The following FGD5 variants were observed in gnomAD, a reference collection of about 807,000 sequenced individuals.
FGD5 encodes the protein FYVE, RhoGEF and PH domain-containing protein 5.
Under a neutral mutation model 133.4 loss-of-function variants are expected in FGD5, and 28 were observed. That is an observed-to-expected ratio of 0.21 (90% CI 0.16 to 0.29). FGD5 has a LOEUF of 0.29. FGD5 is among the 10% of genes least tolerant of loss of function. The pLI is 1.00. For synonymous variants in FGD5, 810 were observed against 776.5 expected (o/e 1.04, Z -0.72); for missense variants, 1,858 against 1,895.2 (o/e 0.98, Z 0.36).
chr3:14,927,184 G>A (rs1254782957), intron 18 of FGD5, among the ~76,000 whole-genome samples: 1 of 152,232 alleles, frequency 6.6e-6, no homozygotes, highest in Non-Finnish European at 1.5e-5. Context: ...AGGCCTGAGC[G>A]GCTTGGGTAC....
At chr3:14,857,882 AAAT>A (rs2037314906) in intron 1 of FGD5, among the ~76,000 whole-genome samples, 1 of 152,172 alleles carries the variant, frequency 6.6e-6, no homozygotes, top group African/African-American at 2.4e-5. Flanking sequence ...TGAATCCTCT[AAAT>A]AATCTATACC....
intron 2 of FGD5, among the ~76,000 whole-genome samples, chr3:14,867,597 A>C (rs2125107185): frequency 6.7e-6 from 1 of 149,934 alleles, no homozygotes; most frequent in South Asian, 2.1e-4. Flanking sequence ...CTCCCTGGCC[A>C]CCCTTGGTGC....
chr3:14,841,367 A>G (rs1321874062), intron 1 of FGD5, among the ~76,000 whole-genome samples: 4 of 152,086 alleles, frequency 2.6e-5, no homozygotes, highest in African/African-American at 7.2e-5. Context: ...TTTCTGAGCC[A>G]CCTCTGTTCA....
intron 1 of FGD5, among the ~76,000 whole-genome samples, chr3:14,824,570 T>C (rs1249978064): frequency 6.6e-6 from 1 of 152,180 alleles, no homozygotes; most frequent in Non-Finnish European, 1.5e-5. Context: ...TCCCAACACT[T>C]GTTATGGGAC....
intron 1 of FGD5, among the ~76,000 whole-genome samples, chr3:14,846,879 G>A (rs962457860): frequency 1.2e-4 from 19 of 152,350 alleles, no homozygotes; most frequent in African/African-American, 4.3e-4. Flanking sequence ...GTGAAGTGCT[G>A]TGCAGATCTT....
chr3:14,917,194 G>A lies in FGD5; in HGVS notation c.3406-55G>A. 1 of 1,514,064 alleles carries A rather than the reference G, an allele frequency of 6.6e-7. No homozygotes were observed. Among genetic ancestry groups the A allele is most frequent in the Non-Finnish European group, 9.1e-7 (1 of 1,104,542 alleles). The allele number at this position is 1,514,064 out of a possible 1,614,324, so 93.8% of individuals were successfully genotyped here. A position where few individuals can be genotyped will look rare whatever the true frequency, so the allele number is the denominator to read the frequency against. On this transcript the variant is annotated intron_variant, in intron 11 of 19. Coordinates refer to ENST00000285046, the MANE Select transcript of FGD5 (RefSeq NM_152536.4). This position sits in a 1 kb window ranked among gnomAD's most constrained non-coding sequence, Gnocchi z 4.1. ...GCTCAGGGATCCTTTGAGGACAGAA[G>A]CCTGGCGCAGCCTTCTGGGGCCAGG...
In FGD5 at chr3:14,867,617, C is replaced by T. The variant is rs574749049; in HGVS notation, c.2658+3357C>T. 1.8e-4 allele frequency among the ~76,000 whole-genome samples: 27 copies of T among 152,078 alleles called. No individual in the cohort carries two copies. The East Asian group carries it at 2.1e-3, about 12-fold the overall frequency. ...TGGCCACCCTTGGTGCCCAGAGCTC[C>T]CCAACCACGGAACCACTGTGGAGAT... On this transcript the variant is annotated intron_variant, in intron 2 of 19. Transcript: ENST00000285046.
chr3:14,915,286 G>C (rs2038530560), intron 11 of FGD5, among the ~76,000 whole-genome samples: 1 of 152,222 alleles, frequency 6.6e-6, no homozygotes. Flanking sequence ...AGAGCTAGCT[G>C]TGGGAAAACT....
Position 14,917,269 on chromosome 3 carries a change from C to T in FGD5, c.3426C>T (p.Tyr1142=), listed in dbSNP as rs753736098. The T allele has an allele frequency of 1.2e-6, 2 of 1,613,692 alleles. No homozygotes were observed. The highest frequency in any genetic ancestry group is 1.7e-5 in the Admixed American group (1 of 59,982). ...HLFLMNDVLL[Y]TYPQKDGKYR... Reference sequence around the variant, plus strand: ...TCCAGATGAACGATGTGCTCCTGTACACCTATCCCCAGAAGGATGGGAAGT... The same window carrying T: ...TCCAGATGAACGATGTGCTCCTGTATACCTATCCCCAGAAGGATGGGAAGT... The change falls in exon 12 of 20, where the codon TAC becomes TAT. Residue 1142 remains tyrosine (Y), a synonymous_variant. Coordinates refer to ENST00000285046, the MANE Select transcript of FGD5 (RefSeq NM_152536.4). This position sits in a 1 kb window ranked among gnomAD's most constrained non-coding sequence, Gnocchi z 4.1.
intron 11 of FGD5, among the ~76,000 whole-genome samples, chr3:14,913,533 G>A (rs9822321): frequency 7.4e-4 from 113 of 152,288 alleles, no homozygotes; most frequent in African/African-American, 2.6e-3. Flanking sequence ...TGAGACCCAT[G>A]AGCACATCCC....
At chr3:14,842,754 C>T (rs2036947786) in intron 1 of FGD5, among the ~76,000 whole-genome samples, 1 of 152,190 alleles carries the variant, frequency 6.6e-6, no homozygotes, top group Admixed American at 6.5e-5. Flanking sequence ...GTTGCAATTC[C>T]TGCTAGACTG....
In FGD5 at chr3:14,819,589, A is replaced by G. The variant is rs2036439694; in HGVS notation, c.518A>G (p.His173Arg). 6.4e-7 allele frequency: 1 copy of G among 1,551,500 alleles called. No individual in the cohort carries two copies. Among genetic ancestry groups the G allele is most frequent in the Non-Finnish European group, 8.7e-7 (1 of 1,146,974 alleles). Residue 173 changes from histidine to arginine, a missense_variant, in exon 1 of 20, where the codon CAC (histidine) becomes CGC (arginine). Physicochemically the swap from His to Arg is conservative, Grantham distance 29. Around this residue, in one of 3 missense-constraint regions of FGD5, gnomAD observed 1,824 missense variants for 1,848.9 expected, o/e 0.99. Transcript: ENST00000285046. This position sits in a 1 kb window ranked among gnomAD's most constrained non-coding sequence, Gnocchi z 4.1. ...GAGGAAGAGAAGCTAGTGCAGCCAC[A>G]CAGGGAGTGCAGCCTGGAGGACAGT... Reference protein sequence around the residue: ...SEEEEKLVQPHRECSLEDSGP... With the variant: ...SEEEEKLVQPRRECSLEDSGP...
chr3:14,902,413 C>A (rs533983142), intron 9 of FGD5, among the ~76,000 whole-genome samples: 2 of 151,830 alleles, frequency 1.3e-5, no homozygotes, highest in East Asian at 3.9e-4. Flanking sequence ...GGAGGTTGGA[C>A]GGTGCATGTT....
chr3:14,862,954 T>C (rs1203795341), intron 1 of FGD5, among the ~76,000 whole-genome samples: 2 of 152,258 alleles, frequency 1.3e-5, no homozygotes, highest in East Asian at 3.9e-4. Flanking sequence ...CTGGCTCCTA[T>C]GAAAGATACT....
chr3:14,831,359 C>G (rs935804318), intron 1 of FGD5, among the ~76,000 whole-genome samples: 8 of 152,204 alleles, frequency 5.3e-5, no homozygotes, highest in African/African-American at 1.9e-4. Flanking sequence ...GTAGGATCAG[C>G]AAGTAGTTCA....
chr3:14,929,565 T>C (rs1200210957), intron 18 of FGD5, among the ~76,000 whole-genome samples: 1 of 152,228 alleles, frequency 6.6e-6, no homozygotes, highest in Non-Finnish European at 1.5e-5. Context: ...TTGAGGTAAC[T>C]CAATGTTGTT....
chr3:14,825,507 G>A (rs1006236643), intron 1 of FGD5, among the ~76,000 whole-genome samples: 6 of 151,822 alleles, frequency 4.0e-5, no homozygotes, highest in African/African-American at 1.5e-4. Flanking sequence ...ATAAATAGCC[G>A]GGCATTGTGG....
intron 9 of FGD5, 132 bp from the exon 10 acceptor site, chr3:14,907,508 G>A: frequency 1.4e-6 from 1 of 728,218 alleles, no homozygotes; most frequent in South Asian, 1.9e-5. Context: ...TTGTACAGGA[G>A]GTTGGATTTG....
chr3:14,926,226 C>A, intron 18 of FGD5, 28 bp downstream of exon 18: 1 of 1,610,880 alleles, frequency 6.2e-7, no homozygotes, highest in South Asian at 1.1e-5. Context: ...TCTCTCCCCT[C>A]TCCTCTCTCC....
Sources: gnomAD v4.1 joint callset for allele counts (sites outside exome capture counted in the v4.1 genomes callset) on GRCh38, gnomAD v4.1.1 for gene constraint, gnomAD v4.1.1 regional missense constraint, Gnocchi (gnomAD v3.1) non-coding constraint, MANE v1.5 for transcripts, NCBI Gene and HGNC (gene_info 2026-07-23, HGNC 2026-07-21) for gene names.